Variants in SPIRE1 observed in about 807,000 individuals in gnomAD.
SPIRE1 encodes protein spire homolog 1.
Under a neutral mutation model 94.1 loss-of-function variants are expected in SPIRE1, and 40 were observed. That is an observed-to-expected ratio of 0.43 (90% confidence interval 0.33 to 0.55). The LOEUF (loss-of-function observed/expected upper bound fraction) is 0.55. SPIRE1 is among the 20% of genes least tolerant of loss of function. The pLI, the probability that SPIRE1 is intolerant of heterozygous loss-of-function variation, is 0.06. For missense variants in SPIRE1, 838 were observed against 975.2 expected (o/e 0.86, Z 1.87); for synonymous variants, 376 against 371.7 (o/e 1.01, Z -0.13).
chr18:12,657,951 C>T lies in SPIRE1; in HGVS notation c.-85G>A, dbSNP rs1163630738. On this transcript the variant is annotated 5_prime_UTR_variant, in exon 1 of 17. Coordinates refer to ENST00000409402, the MANE Select transcript of SPIRE1 (RefSeq NM_001128626.2). ...GAGCATCGTCGTCGCGCGCCGCCGC[C>T]TCACCATCCCCGGAACCGCCGCCGC... The T allele has an allele frequency of 9.9e-7, 1 of 1,005,976 alleles. No homozygotes were observed. The highest frequency in any genetic ancestry group is 1.2e-6 in the Non-Finnish European group (1 of 845,250). 62.3% of individuals were successfully genotyped at this position (1,005,976 alleles called of 1,614,324 possible). A position where few individuals can be genotyped will look rare whatever the true frequency, so the allele number is the denominator to read the frequency against.
At chr18:12,458,833 G>A (rs1283385353) in intron 12 of SPIRE1, among the ~76,000 whole-genome samples, 2 of 152,130 alleles carry the variant, frequency 1.3e-5, no homozygotes, top group African/African-American at 4.8e-5. Flanking sequence ...AAGGACAGAG[G>A]TTTTTCCTGC....
Position 12,485,950 on chromosome 18 carries a change from T to C in SPIRE1, c.1231+9A>G, listed in dbSNP as rs1228831148. ...ACGTCAGGTGTAAAAGTGTTTTTGT[T>C]TTTTTTACCTGACAAGTCAAAACTG... On this transcript the variant is annotated intron_variant, in intron 9 of 16. Coordinates refer to ENST00000409402, the MANE Select transcript of SPIRE1 (RefSeq NM_001128626.2). The C allele has an allele frequency of 1.5e-5, 23 of 1,533,094 alleles. No homozygotes were observed. Among genetic ancestry groups the C allele is most frequent in the Non-Finnish European group, 2.0e-5 (23 of 1,140,542 alleles). The allele number at this position is 1,533,094 out of a possible 1,614,324, so 95.0% of individuals were successfully genotyped here.
At chr18:12,502,771 TA>T (rs533506211) in intron 6 of SPIRE1, among the ~76,000 whole-genome samples, 157 of 152,164 alleles carry the variant, frequency 1.0e-3, no homozygotes, top group Non-Finnish European at 2.0e-3. Context: ...TATCTATTAA[TA>T]GGGGGCTGGG....
At chr18:12,626,350 G>A (rs960851050) in intron 2 of SPIRE1, among the ~76,000 whole-genome samples, 3 of 152,046 alleles carry the variant, frequency 2.0e-5, no homozygotes, top group Admixed American at 1.3e-4. Flanking sequence ...AAGCAGATTT[G>A]ACTTTCCAGG....
chr18:12,473,115 G>A (rs1168129252), intron 10 of SPIRE1, among the ~76,000 whole-genome samples: 2 of 152,098 alleles, frequency 1.3e-5, no homozygotes, highest in African/African-American at 2.4e-5. Flanking sequence ...AGAGATGGGG[G>A]TCTTGCTATG....
Position 12,504,147 on chromosome 18 carries a change from T to A in SPIRE1, c.972+2330A>T, listed in dbSNP as rs112835651. Among the ~76,000 whole-genome samples, 46 of 147,658 alleles carry A rather than the reference T, an allele frequency of 3.1e-4. 7 individuals are homozygous for A. The highest frequency in any genetic ancestry group is 1.2e-3 in the African/African-American group (46 of 39,388). ...AAAGTAAATAAATATAATATTTAGT[T>A]GAAATGTTTAGCTTATTAAAATTAA... On this transcript the variant is annotated intron_variant, in intron 6 of 16. Coordinates refer to ENST00000409402, the MANE Select transcript of SPIRE1 (RefSeq NM_001128626.2).
intron 16 of SPIRE1, 146 bp from the exon 17 acceptor site, chr18:12,450,042 TTTC>T (rs1483708867): frequency 8.9e-6 from 8 of 901,738 alleles, no homozygotes; most frequent in Non-Finnish European, 1.3e-5. Context: ...TCTAAAAAAA[TTTC>T]TTATTGGTGA....
At position 12,598,086 on chromosome 18, in the gene SPIRE1, C is replaced by T. The variant is rs1309263016; in HGVS notation, c.372+36976G>A. Among the ~76,000 whole-genome samples, 4 of 152,144 alleles carry T rather than the reference C, an allele frequency of 2.6e-5. No individual in the cohort carries two copies. In the East Asian group the frequency reaches 5.8e-4, roughly 22 times the overall value. ...CATAATCTTTGACATTTCAAAATTT[C>T]GAGATATATGATGTAAGAAAACCAT... On this transcript the variant is annotated intron_variant, in intron 2 of 16. Transcript: ENST00000409402.
chr18:12,538,218 T>C (rs1298845155), intron 3 of SPIRE1, among the ~76,000 whole-genome samples: 1 of 152,296 alleles, frequency 6.6e-6, no homozygotes, highest in East Asian at 1.9e-4. Flanking sequence ...GGAATAATGT[T>C]CTTAAAGTAC....
intron 2 of SPIRE1, among the ~76,000 whole-genome samples, chr18:12,553,772 C>T (rs1002800153): frequency 2.0e-5 from 3 of 151,882 alleles, no homozygotes; most frequent in East Asian, 3.9e-4. Flanking sequence ...AAAAATGCAT[C>T]CTAAAGAACT....
At position 12,463,570 on chromosome 18, in the gene SPIRE1, C is replaced by T. The variant is rs1216881362; in HGVS notation, c.1496-77G>A. Reference sequence around the variant, plus strand: ...AACCTTTTGACATTTGTGACAAACACTGTAATTCAAAGATGAATTATTTAT... The same window carrying T: ...AACCTTTTGACATTTGTGACAAACATTGTAATTCAAAGATGAATTATTTAT... On this transcript the variant is annotated intron_variant, in intron 11 of 16. Transcript: ENST00000409402. 3 of 1,174,502 alleles carry T rather than the reference C, an allele frequency of 2.6e-6. No individual in the cohort carries two copies. In the Admixed American group the frequency reaches 6.4e-5, roughly 25 times the overall value. 72.8% of individuals were successfully genotyped at this position (1,174,502 alleles called of 1,614,324 possible). A position where few individuals can be genotyped will look rare whatever the true frequency, so the allele number is the denominator to read the frequency against.
At chr18:12,463,540 C>CACA (rs1348937583) in intron 11 of SPIRE1, 47 bp from the exon 12 acceptor site, 2 of 1,488,844 alleles carry the variant, frequency 1.3e-6, no homozygotes, top group Non-Finnish European at 1.8e-6. Flanking sequence ...AATTTTCTAA[C>CACA]ACAAAACCTT....
In SPIRE1 at chr18:12,459,970, A is replaced by G. The variant is rs2031710313; in HGVS notation, c.1638+3381T>C. The G allele has an allele frequency of 4.3e-6, 4 of 923,448 alleles. No homozygotes were observed. The South Asian group carries it at 2.0e-4, about 46-fold the overall frequency. The allele number at this position is 923,448 out of a possible 1,614,324, so 57.2% of individuals were successfully genotyped here. On this transcript the variant is annotated intron_variant, in intron 12 of 16. Coordinates refer to ENST00000409402, the MANE Select transcript of SPIRE1 (RefSeq NM_001128626.2). ...GGAAAAAGAAAATGGCAGGGGGAAA[A>G]GAAAAGGAGAAAATAATGCTGAACA...
intron 10 of SPIRE1, among the ~76,000 whole-genome samples, chr18:12,479,159 ATT>A (rs61059172): frequency 1.4e-5 from 2 of 143,880 alleles, no homozygotes; most frequent in African/African-American, 5.1e-5. Flanking sequence ...ACATATATGT[ATT>A]TTTTTTTTCT....
chr18:12,604,881 T>G (rs2036930391), intron 2 of SPIRE1, among the ~76,000 whole-genome samples: 1 of 152,182 alleles, frequency 6.6e-6, no homozygotes. Flanking sequence ...ATAAACAAAA[T>G]GTGATGTTTA....
intron 6 of SPIRE1, among the ~76,000 whole-genome samples, chr18:12,505,768 A>G (rs2033813274): frequency 6.6e-6 from 1 of 152,210 alleles, no homozygotes; most frequent in South Asian, 2.1e-4. Flanking sequence ...GATTTGTTTA[A>G]TAAACTCCGG....
intron 2 of SPIRE1, among the ~76,000 whole-genome samples, chr18:12,623,337 T>A (rs1311981834): frequency 6.6e-6 from 1 of 151,916 alleles, no homozygotes; most frequent in African/African-American, 2.4e-5. Context: ...GTATTTTTAG[T>A]AGAGACAGGG....
At chr18:12,459,801 T>C (rs1482786457) in intron 12 of SPIRE1, 1 of 985,792 alleles carries the variant, frequency 1.0e-6, no homozygotes, top group Non-Finnish European at 1.2e-6. Flanking sequence ...ACACAGATAA[T>C]ACATAGCCCC....
chr18:12,452,965 C>A (rs1006817687), intron 14 of SPIRE1, 103 bp downstream of exon 14: 8 of 748,390 alleles, frequency 1.1e-5, no homozygotes, highest in Admixed American at 6.6e-5. Context: ...TGAGTCATTT[C>A]TAATTTTATT....
Sources: allele counts gnomAD v4.1 joint callset (sites outside exome capture counted in the v4.1 genomes callset), GRCh38; gene constraint gnomAD v4.1.1; transcripts MANE v1.5; gene names NCBI Gene and HGNC (gene_info 2026-07-23, HGNC 2026-07-21).